Variants in SMYD3 observed in about 807,000 individuals in gnomAD.
SMYD3 encodes the protein SET and MYND domain containing 3, also known as histone-lysine N-methyltransferase SMYD3.
A neutral mutation model predicts 57.7 loss-of-function variants in SMYD3; 36 were observed. That is an observed-to-expected ratio of 0.62 (90% CI 0.48 to 0.82). SMYD3 has a LOEUF of 0.82. SMYD3 is among the 40% of genes least tolerant of loss of function. The pLI is 0.00. For missense variants in SMYD3, 515 were observed against 538.8 expected, an observed-to-expected ratio of 0.96 and a Z score of 0.44; for synonymous variants, 211 against 195.0, an observed-to-expected ratio of 1.08 and a Z score of -0.68.
intron 7 of SMYD3, among the ~76,000 whole-genome samples, chr1:245,926,074 C>T (rs1408751451): frequency 3.3e-5 from 5 of 152,084 alleles, no homozygotes; most frequent in Non-Finnish European, 7.4e-5. Flanking sequence ...TGGCAGAGGG[C>T]GTCACATGAG....
intron 4 of SMYD3, among the ~76,000 whole-genome samples, chr1:246,329,851 T>A (rs928139864): frequency 2.6e-5 from 4 of 152,226 alleles, no homozygotes; most frequent in Admixed American, 6.5e-5. Flanking sequence ...GCAGCAAATT[T>A]ACTGTATGTG....
chr1:246,116,403 T>C (rs1235628706), intron 5 of SMYD3, among the ~76,000 whole-genome samples: 1 of 152,194 alleles, frequency 6.6e-6, no homozygotes, highest in Non-Finnish European at 1.5e-5. Context: ...TTTATCAAAA[T>C]ATAAAACACA....
At chr1:246,154,939 G>A (rs147744632) in intron 5 of SMYD3, among the ~76,000 whole-genome samples, 51 of 151,810 alleles carry the variant, frequency 3.4e-4, no homozygotes, top group Middle Eastern at 3.4e-3. Flanking sequence ...CTACCACCAC[G>A]CCTGGCTAAT....
intron 1 of SMYD3, among the ~76,000 whole-genome samples, chr1:246,472,849 ATTTC>A (rs2067979300): frequency 7.1e-6 from 1 of 140,144 alleles, no homozygotes; most frequent in Admixed American, 7.4e-5. Context: ...TTACTCTCAA[ATTTC>A]TTTTTTTTTT....
chr1:246,070,333 C>T (rs550892691), intron 5 of SMYD3, among the ~76,000 whole-genome samples: 76 of 152,234 alleles, frequency 5.0e-4, no homozygotes, highest in African/African-American at 1.6e-3. Context: ...TATCTAATAT[C>T]GATTAGGTCC....
intron 9 of SMYD3, among the ~76,000 whole-genome samples, chr1:245,860,952 C>T (rs2051511945): frequency 1.3e-5 from 2 of 152,156 alleles, no homozygotes; most frequent in Non-Finnish European, 2.9e-5. Context: ...TGTATGTTCC[C>T]ACTTATTCTA....
chr1:246,237,587 C>T lies in SMYD3; in HGVS notation c.531+89614G>A, dbSNP rs2063532640. 2.0e-5 allele frequency among the ~76,000 whole-genome samples: 3 copies of T among 152,118 alleles called. 1 individual carries two copies. Among genetic ancestry groups the T allele is most frequent in the Non-Finnish European group, 4.4e-5 (3 of 67,934 alleles). On this transcript the variant is annotated intron_variant, in intron 5 of 11. Transcript: ENST00000490107. ...TCCCTCCCCGTTTCTGGGCTTTAAACAAACTCATTTTTCAAAATATCTTTA... is the reference window on the plus strand; with the variant it reads ...TCCCTCCCCGTTTCTGGGCTTTAAATAAACTCATTTTTCAAAATATCTTTA...
rs1290448169 is a variant in SMYD3, at chr1:246,507,267, C to A, written c.-50G>T. ...ACGGCTACCCGCGTCCAGCAGCGGG[C>A]GTCTCACGGGCTGCCGGGACCCGCG... On this transcript the variant is annotated 5_prime_UTR_variant, in exon 1 of 12. Coordinates refer to ENST00000490107, the MANE Select transcript of SMYD3 (RefSeq NM_001167740.2). The A allele has an allele frequency of 2.8e-6, 4 of 1,446,962 alleles. No individual in the cohort carries two copies. Among genetic ancestry groups the A allele is most frequent in the South Asian group, 2.8e-5 (2 of 71,398 alleles). The allele number at this position is 1,446,962 out of a possible 1,614,324, so 89.6% of individuals were successfully genotyped here.
intron 8 of SMYD3, among the ~76,000 whole-genome samples, chr1:245,907,019 T>C (rs911411461): frequency 2.6e-5 from 4 of 152,136 alleles, no homozygotes; most frequent in Non-Finnish European, 5.9e-5. Flanking sequence ...ATCAAACCAA[T>C]TGAACTCATG....
Position 246,444,948 on chromosome 1 carries a change from T to A in SMYD3, c.164+62106A>T, listed in dbSNP as rs78109312. On this transcript the variant is annotated intron_variant, in intron 1 of 11. Coordinates refer to ENST00000490107, the MANE Select transcript of SMYD3 (RefSeq NM_001167740.2). ...GGAATCAGAAAGTCTGGGGTTTGGATTCCACCTGTACTACTTACTAGCCAT... is the reference window on the plus strand; with the variant it reads ...GGAATCAGAAAGTCTGGGGTTTGGAATCCACCTGTACTACTTACTAGCCAT... Among the ~76,000 whole-genome samples, 1,350 of 152,330 alleles carry A rather than the reference T, an allele frequency of 8.9e-3. 24 individuals carry two copies. Among genetic ancestry groups the A allele is most frequent in the African/African-American group, 0.03 (1,256 of 41,566 alleles).
At chr1:245,907,041 T>A (rs12567174) in intron 8 of SMYD3, among the ~76,000 whole-genome samples, 16,952 of 152,012 alleles carry the variant, frequency 0.11, 1,188 homozygotes, top group East Asian at 0.39. Context: ...ACAGAGAGAG[T>A]AGAAGGAGGC....
intron 10 of SMYD3, chr1:245,814,281 G>T: frequency 2.8e-6 from 2 of 713,596 alleles, no homozygotes; most frequent in Non-Finnish European, 3.4e-6. Context: ...TCAGTGTATA[G>T]CTACCTCCAA....
chr1:246,260,516 C>T (rs758400597), intron 5 of SMYD3, among the ~76,000 whole-genome samples: 1 of 151,750 alleles, frequency 6.6e-6, no homozygotes, highest in Non-Finnish European at 1.5e-5. Context: ...AATGGCCCGA[C>T]CTTGGCTCAC....
intron 1 of SMYD3, among the ~76,000 whole-genome samples, chr1:246,481,621 T>TATACACACAC (rs1307881494): frequency 4.1e-5 from 4 of 98,562 alleles, no homozygotes; most frequent in African/African-American, 1.5e-4. Flanking sequence ...CATACATATA[T>TATACACACAC]ACATACATAC....
At chr1:246,074,022 G>A (rs994538055) in intron 5 of SMYD3, among the ~76,000 whole-genome samples, 11 of 152,266 alleles carry the variant, frequency 7.2e-5, no homozygotes, top group African/African-American at 2.2e-4. Context: ...GTGGCCAAAC[G>A]CAAACTTGCA....
chr1:246,265,685 G>T (rs1427986904), intron 5 of SMYD3, among the ~76,000 whole-genome samples: 1 of 149,656 alleles, frequency 6.7e-6, no homozygotes, highest in Admixed American at 6.9e-5. Context: ...CAGAAATATT[G>T]TGGGATCCAG....
At chr1:246,017,829 T>C (rs12128271) in intron 5 of SMYD3, among the ~76,000 whole-genome samples, 9,786 of 152,266 alleles carry the variant, frequency 0.064, 498 homozygotes, top group African/African-American at 0.13. Context: ...TCCTATTTTA[T>C]TCAGTGAGTT....
intron 5 of SMYD3, among the ~76,000 whole-genome samples, chr1:246,130,253 C>G (rs972182628): frequency 1.3e-5 from 2 of 152,156 alleles, no homozygotes; most frequent in African/African-American, 2.4e-5. Flanking sequence ...AAAATTATCA[C>G]TAAGATCATT....
chr1:246,370,209 C>A (rs929415553), intron 1 of SMYD3, among the ~76,000 whole-genome samples: 1 of 152,186 alleles, frequency 6.6e-6, no homozygotes, highest in South Asian at 2.1e-4. Flanking sequence ...CGCATAACGT[C>A]CCGGGTGGAT....
Sources: allele counts gnomAD v4.1 joint callset (sites outside exome capture counted in the v4.1 genomes callset), GRCh38; gene constraint gnomAD v4.1.1; transcripts MANE v1.5; gene names NCBI Gene and HGNC (gene_info 2026-07-23, HGNC 2026-07-21).